TUBB1: variants seen among roughly 807,000 people sequenced by gnomAD.
TUBB1 encodes tubulin beta 1 class VI, also known as tubulin beta-1 chain.
Under a neutral mutation model 22.6 loss-of-function variants are expected in TUBB1, and 28 were observed. The ratio of observed to expected loss-of-function variants is 1.24; its 90% CI spans 0.92 to 1.70. TUBB1 has a LOEUF of 1.70. Among genes scored for constraint, TUBB1 ranks in the 40% most tolerant of loss-of-function variants. The pLI is 0.00. For synonymous variants in TUBB1, 226 were observed against 238.0 expected, an observed-to-expected ratio of 0.95 and a Z score of 0.46; for missense variants, 577 against 605.5, an observed-to-expected ratio of 0.95 and a Z score of 0.49.
upstream of TUBB1, among the ~76,000 whole-genome samples, chr20:59,019,075 G>C (rs1049369089): frequency 6.6e-6 from 1 of 152,230 alleles, no homozygotes; most frequent in Non-Finnish European, 1.5e-5. Context: ...GGGCCGGGAA[G>C]ATGGACAGGG....
Position 59,025,714 on chromosome 20 carries a change from C to A in TUBB1, c.*931C>A, listed in dbSNP as rs2091991029. The A allele has an allele frequency of 6.6e-6, 1 of 152,228 alleles. No individual in the cohort carries two copies. Among genetic ancestry groups the A allele is most frequent in the South Asian group, 2.1e-4 (1 of 4,838 alleles). 9.4% of individuals were successfully genotyped at this position (152,228 alleles called of 1,614,324 possible). A position where few individuals can be genotyped will look rare whatever the true frequency, so the allele number is the denominator to read the frequency against. ...CATGCGCTCGGCAACCATTCAAATG[C>A]AGGAATTAAGCAGCAATGGCTGCAG... On this transcript the variant is annotated 3_prime_UTR_variant, in exon 4 of 4. Transcript: ENST00000217133.
In TUBB1 at chr20:59,024,210, C is replaced by G; in HGVS notation, c.783C>G (p.Pro261=). 6.2e-7 allele frequency: 1 copy of G among 1,614,178 alleles called. No individual in the cohort carries two copies. The highest frequency in any genetic ancestry group is 8.5e-7 in the Non-Finnish European group (1 of 1,180,034). ...RKLAVNMVPF[P]RLHFFMPGFA... is the part of the protein sequence containing the mutation. ...TGGCGGTGAACATGGTCCCCTTCCC[C>G]CGCCTGCACTTCTTTATGCCCGGCT... Residue 261 remains proline (P), a synonymous_variant, in exon 4 of 4, where the codon CCC becomes CCG. Transcript: ENST00000217133. The surrounding 1 kb of genome is among the most constrained non-coding windows in gnomAD (Gnocchi z 4.9).
At chr20:59,021,321 GAC>G (rs1378449676) in intron 1 of TUBB1, among the ~76,000 whole-genome samples, 3 of 152,202 alleles carry the variant, frequency 2.0e-5, no homozygotes, top group Non-Finnish European at 4.4e-5. Context: ...AGAACTTTAA[GAC>G]ACATTTAATT....
chr20:59,023,493 G>T lies in TUBB1; in HGVS notation c.170G>T (p.Arg57Met). The T allele has an allele frequency of 6.2e-7, 1 of 1,613,864 alleles. No individual in the cohort carries two copies. Among genetic ancestry groups the T allele is most frequent in the Non-Finnish European group, 8.5e-7 (1 of 1,179,844 alleles). The part of the protein sequence containing the change: ...ISVYYNEAYG[R>M]KYVPRAVLVD... ...TTTTTCCTATTTTTCTACACAGGTA[G>T]GAAATATGTGCCCCGAGCAGTCTTG... The change falls in exon 3 of 4, where the codon AGG (arginine) becomes ATG (methionine). Residue 57 changes from arginine (R) to methionine (M), a missense_variant. Coordinates refer to ENST00000217133, the MANE Select transcript of TUBB1 (RefSeq NM_030773.4).
rs1361659405 is a variant in TUBB1 at position 59,024,178 on chromosome 20, C to A, written c.751C>A (p.Arg251Ser). ...CCCGGGTCAGCTCAACGCAGACCTG[C>A]GCAAGCTGGCGGTGAACATGGTCCC... ...RFPGQLNADLRKLAVNMVPFP... is the reference protein window; with the variant it reads ...RFPGQLNADLSKLAVNMVPFP... Residue 251 changes from arginine (R) to serine (S), a missense_variant, in exon 4 of 4, where the codon CGC becomes AGC. Transcript: ENST00000217133. The surrounding 1 kb of genome is among the most constrained non-coding windows in gnomAD (Gnocchi z 4.9). 2 of 1,614,200 alleles carry A rather than the reference C, an allele frequency of 1.2e-6. No homozygotes were observed. Among genetic ancestry groups the A allele is most frequent in the Non-Finnish European group, 1.7e-6 (2 of 1,180,048 alleles).
At chr20:59,019,344 C>G, upstream of TUBB1, 1 of 682,708 alleles carries the variant, frequency 1.5e-6, no homozygotes, top group South Asian at 1.6e-5. Context: ...TGGCTGAGGG[C>G]GGGGAGCTGG....
In TUBB1 at chr20:59,024,177, G is replaced by A; in HGVS notation, c.750G>A (p.Leu250=). The A allele has an allele frequency of 6.2e-7, 1 of 1,614,190 alleles. No homozygotes were observed. The highest frequency in any genetic ancestry group is 8.5e-7 in the Non-Finnish European group (1 of 1,180,028). The change falls in exon 4 of 4, where the codon CTG becomes CTA. Residue 250 remains leucine (L), a synonymous_variant. Transcript: ENST00000217133. This position sits in a 1 kb window ranked among gnomAD's most constrained non-coding sequence, Gnocchi z 4.9. ...TCCCGGGTCAGCTCAACGCAGACCT[G>A]CGCAAGCTGGCGGTGAACATGGTCC... ...LRFPGQLNAD[L]RKLAVNMVPF... is the part of the protein sequence containing the mutation.
At chr20:59,019,056 C>T (rs1172871776), upstream of TUBB1, among the ~76,000 whole-genome samples, 1 of 152,158 alleles carries the variant, frequency 6.6e-6, no homozygotes, top group African/African-American at 2.4e-5. Flanking sequence ...GGACCAAAGT[C>T]TGGAAAAGGG....
rs763905793 is a variant in TUBB1, at chr20:59,023,708, A to T, written c.281A>T (p.Asn94Ile). The T allele has an allele frequency of 1.9e-6, 3 of 1,614,032 alleles. No individual in the cohort carries two copies. Among genetic ancestry groups the T allele is most frequent in the Non-Finnish European group, 2.5e-6 (3 of 1,179,978 alleles). ...TGGTTTCTCTTTTTGGCCACAGGTA[A>T]CTCTGGGGCTGGCAACAACTGGGCC... Reference protein sequence around the residue: ...LFQPDSFVHGNSGAGNNWAKG... With the variant: ...LFQPDSFVHGISGAGNNWAKG... The change falls in exon 4 of 4, where the codon AAC becomes ATC. Residue 94 changes from asparagine (N) to isoleucine (I), a missense_variant. Coordinates refer to ENST00000217133, the MANE Select transcript of TUBB1 (RefSeq NM_030773.4).
intron 2 of TUBB1, 73 bp from the exon 3 acceptor site, chr20:59,023,417 A>C: frequency 6.9e-7 from 1 of 1,440,524 alleles, no homozygotes; most frequent in South Asian, 1.1e-5. Flanking sequence ...CCAGTATCAC[A>C]AAGTTCTATT....
At position 59,024,080 on chromosome 20, in the gene TUBB1, C is replaced by T. The variant is rs539171911; in HGVS notation, c.653C>T (p.Thr218Met). Residue 218 changes from threonine to methionine, a missense_variant, in exon 4 of 4, where the codon ACG becomes ATG. Coordinates refer to ENST00000217133, the MANE Select transcript of TUBB1 (RefSeq NM_030773.4). The surrounding 1 kb of genome is among the most constrained non-coding windows in gnomAD (Gnocchi z 4.9). Reference sequence around the variant, plus strand: ...ATCTGCTTCCGTACCCTGAAGCTGACGACACCCACCTATGGGGATCTCAAC... The same window carrying T: ...ATCTGCTTCCGTACCCTGAAGCTGATGACACCCACCTATGGGGATCTCAAC... The part of the protein sequence containing the change: ...YDICFRTLKL[T>M]TPTYGDLNHL... 28 of 1,614,076 alleles carry T rather than the reference C, an allele frequency of 1.7e-5. No homozygotes were observed. The highest frequency in any genetic ancestry group is 4.5e-5 in the East Asian group (2 of 44,896).
At chr20:59,017,133 A>G (rs1266447172), upstream of TUBB1, among the ~76,000 whole-genome samples, 1 of 152,190 alleles carries the variant, frequency 6.6e-6, no homozygotes, top group Non-Finnish European at 1.5e-5. Flanking sequence ...ATAATATGGG[A>G]TCTCCTGGAA....
rs1457026158 is a variant in TUBB1, at chr20:59,024,837, G to A, written c.*54G>A. 5 of 1,546,102 alleles carry A rather than the reference G, an allele frequency of 3.2e-6. No individual in the cohort carries two copies. The highest frequency in any genetic ancestry group is 2.7e-5 in the African/African-American group (2 of 73,494). On this transcript the variant is annotated 3_prime_UTR_variant, in exon 4 of 4. Coordinates refer to ENST00000217133, the MANE Select transcript of TUBB1 (RefSeq NM_030773.4). The surrounding 1 kb of genome is among the most constrained non-coding windows in gnomAD (Gnocchi z 4.9). ...CTTACAGAACAGTTTCTCATTAGAT[G>A]AGTGTTTCTCCTGCAGCACTCCAAA... is the stretch of plus-strand genomic sequence containing the variant.
chr20:59,019,747 A>G (rs1001121648), intron 1 of TUBB1, among the ~76,000 whole-genome samples, 168 bp downstream of exon 1: 3 of 152,242 alleles, frequency 2.0e-5, no homozygotes, highest in Non-Finnish European at 4.4e-5. Context: ...AAAATTTCAC[A>G]TGGGAAAAGA....
At position 59,024,687 on chromosome 20, in the gene TUBB1, C is replaced by T. The variant is rs747765749; in HGVS notation, c.1260C>T (p.Ser420=). The T allele has an allele frequency of 6.8e-6, 11 of 1,614,014 alleles. No individual in the cohort carries two copies. The highest frequency in any genetic ancestry group is 1.7e-5 in the Admixed American group (1 of 60,014). The change falls in exon 4 of 4, where the codon TCC becomes TCT. Residue 420 remains serine (S), a synonymous_variant. Coordinates refer to ENST00000217133, the MANE Select transcript of TUBB1 (RefSeq NM_030773.4). The surrounding 1 kb of genome is among the most constrained non-coding windows in gnomAD (Gnocchi z 4.9). ...AAAATAACATCCATGATTTGGTATC[C>T]GAGTACCAACAATTTCAAGATGCCA... is the stretch of plus-strand genomic sequence containing the variant. ...EAENNIHDLV[S]EYQQFQDAKA...
intron 1 of TUBB1, among the ~76,000 whole-genome samples, chr20:59,022,286 G>A (rs1309233612): frequency 4.4e-5 from 6 of 137,256 alleles, no homozygotes; most frequent in African/African-American, 1.4e-4. Context: ...AGTGAGCCGA[G>A]ATCACGCCAC....
chr20:59,023,657 TTC>T, intron 3 of TUBB1, 46 bp from the exon 4 acceptor site: 1 of 1,613,796 alleles, frequency 6.2e-7, no homozygotes, highest in Non-Finnish European at 8.5e-7. Context: ...ACTGGTGCCC[TTC>T]TCTTTTCACC....
At chr20:59,022,765 G>A (rs2091973373) in intron 1 of TUBB1, 80 bp from the exon 2 acceptor site, 2 of 1,314,094 alleles carry the variant, frequency 1.5e-6, no homozygotes, top group Admixed American at 1.8e-5. Context: ...AGGGAAACAG[G>A]CTTGGGAATG....
Position 59,024,396 on chromosome 20 carries a change from C to G in TUBB1, c.969C>G (p.Thr323=). The G allele has an allele frequency of 6.2e-7, 1 of 1,614,166 alleles. No homozygotes were observed. Among genetic ancestry groups the G allele is most frequent in the Non-Finnish European group, 8.5e-7 (1 of 1,180,028 alleles). ...GCATTTTCCGGGGCAAGATGTCCAC[C>G]AAGGAAGTGGACCAGCAACTGCTCT... The part of the protein sequence containing the change: ...VACIFRGKMS[T]KEVDQQLLSV... The change falls in exon 4 of 4, where the codon ACC becomes ACG. Residue 323 remains threonine, a synonymous_variant. Coordinates refer to ENST00000217133, the MANE Select transcript of TUBB1 (RefSeq NM_030773.4). The surrounding 1 kb of genome is among the most constrained non-coding windows in gnomAD (Gnocchi z 4.9).
Sources: allele counts gnomAD v4.1 joint callset (sites outside exome capture counted in the v4.1 genomes callset), GRCh38; gene constraint gnomAD v4.1.1; non-coding constraint Gnocchi (gnomAD v3.1); transcripts MANE v1.5; gene names NCBI Gene and HGNC (gene_info 2026-07-23, HGNC 2026-07-21).